LRRC4C: variants seen among roughly 807,000 people sequenced by gnomAD.
LRRC4C encodes leucine rich repeat containing 4C, also known as leucine-rich repeat-containing protein 4C.
LRRC4C carries 5 observed loss-of-function variants against 33.6 expected under a neutral mutation model. The observed-to-expected ratio is 0.15, with a 90% CI of 0.08 to 0.31. The LOEUF is 0.31. LRRC4C is among the 10% of genes least tolerant of loss of function. LRRC4C has a pLI of 1.00. For synonymous variants in LRRC4C, 329 were observed against 302.0 expected (o/e 1.09, Z -0.93); for missense variants, 560 against 796.7 (o/e 0.70, Z 3.58).
intron 5 of LRRC4C, among the ~76,000 whole-genome samples, chr11:40,234,561 G>A (rs1565167807): frequency 6.6e-6 from 1 of 152,166 alleles, no homozygotes; most frequent in Admixed American, 6.6e-5. Flanking sequence ...TGGAGCCTAG[G>A]AGTTCTAGAG....
At chr11:41,029,117 G>T (rs1381575) in intron 1 of LRRC4C, among the ~76,000 whole-genome samples, 2 of 151,554 alleles carry the variant, frequency 1.3e-5, no homozygotes, top group South Asian at 2.1e-4. Context: ...GCAAAAGCCT[G>T]TTTTTAGTAG....
At chr11:40,622,461 A>G (rs1288056824) in intron 3 of LRRC4C, among the ~76,000 whole-genome samples, 1 of 151,796 alleles carries the variant, frequency 6.6e-6, no homozygotes, top group Non-Finnish European at 1.5e-5. Flanking sequence ...GTCTAGAACA[A>G]TTAGATTTCT....
chr11:41,250,125 T>C (rs1948592324), intron 1 of LRRC4C, among the ~76,000 whole-genome samples: 1 of 152,110 alleles, frequency 6.6e-6, no homozygotes, highest in Non-Finnish European at 1.5e-5. Context: ...GCTGAGATCA[T>C]GCCACTGCAC....
At chr11:40,378,069 T>A (rs1194491038) in intron 3 of LRRC4C, among the ~76,000 whole-genome samples, 1 of 152,052 alleles carries the variant, frequency 6.6e-6, no homozygotes, top group African/African-American at 2.4e-5. Flanking sequence ...AAAGATGAAC[T>A]TTTTGCTAAT....
intron 2 of LRRC4C, among the ~76,000 whole-genome samples, chr11:40,805,582 G>A (rs1360109862): frequency 1.3e-5 from 2 of 152,150 alleles, no homozygotes; most frequent in Non-Finnish European, 1.5e-5. Context: ...CTAAACACTA[G>A]TTTCAAGAGT....
chr11:40,552,082 C>T (rs1797620608), intron 3 of LRRC4C, among the ~76,000 whole-genome samples: 1 of 152,148 alleles, frequency 6.6e-6, no homozygotes, highest in South Asian at 2.1e-4. Flanking sequence ...TCAGCTTGTC[C>T]CTGGGTCTCC....
At chr11:40,747,708 G>T (rs1948494911) in intron 2 of LRRC4C, among the ~76,000 whole-genome samples, 1 of 151,802 alleles carries the variant, frequency 6.6e-6, no homozygotes, top group African/African-American at 2.4e-5. Flanking sequence ...TAAAGAAAAA[G>T]ATATCATAAA....
chr11:40,217,970 G>T (rs1221092352), intron 5 of LRRC4C, among the ~76,000 whole-genome samples: 1 of 152,054 alleles, frequency 6.6e-6, no homozygotes, highest in African/African-American at 2.4e-5. Context: ...AAAGCAATCA[G>T]ATTCGTTTTA....
chr11:40,664,205 T>C (rs930730248), intron 2 of LRRC4C, among the ~76,000 whole-genome samples: 1 of 152,156 alleles, frequency 6.6e-6, no homozygotes, highest in African/African-American at 2.4e-5. Flanking sequence ...TAAATGCATA[T>C]CTTATATAGC....
intron 3 of LRRC4C, among the ~76,000 whole-genome samples, chr11:40,380,120 A>C (rs2137335123): frequency 6.6e-6 from 1 of 152,288 alleles, no homozygotes; most frequent in East Asian, 1.9e-4. Flanking sequence ...AGGAAAAATA[A>C]CCCTTTTTTG....
intron 1 of LRRC4C, among the ~76,000 whole-genome samples, chr11:41,090,647 G>A (rs949478556): frequency 5.9e-5 from 9 of 152,036 alleles, no homozygotes; most frequent in Admixed American, 2.0e-4. Context: ...ATCTCACCTC[G>A]AATTGTAATC....
intron 1 of LRRC4C, among the ~76,000 whole-genome samples, chr11:41,259,628 A>G (rs1948912432): frequency 6.6e-6 from 1 of 152,030 alleles, no homozygotes; most frequent in Non-Finnish European, 1.5e-5. Flanking sequence ...TGTGAGCCAC[A>G]CTGGACCTAA....
chr11:40,511,831 G>A (rs1955330846), intron 3 of LRRC4C, among the ~76,000 whole-genome samples: 1 of 152,132 alleles, frequency 6.6e-6, no homozygotes. Context: ...GGGGGCTGAG[G>A]CCTTTCCATC....
intron 1 of LRRC4C, among the ~76,000 whole-genome samples, chr11:41,084,666 T>C (rs1379202912): frequency 6.6e-6 from 1 of 152,060 alleles, no homozygotes; most frequent in Non-Finnish European, 1.5e-5. Flanking sequence ...CTGGCCAACA[T>C]GGTGAAACCC....
intron 1 of LRRC4C, among the ~76,000 whole-genome samples, chr11:41,176,283 G>C (rs1239637698): frequency 2.0e-5 from 3 of 152,048 alleles, no homozygotes; most frequent in Non-Finnish European, 4.4e-5. Context: ...GGGAATACCC[G>C]AACCCAAAAA....
intron 2 of LRRC4C, among the ~76,000 whole-genome samples, chr11:40,739,602 A>G (rs1327427694): frequency 6.6e-6 from 1 of 152,052 alleles, no homozygotes; most frequent in Non-Finnish European, 1.5e-5. Flanking sequence ...CTAAGTGTTG[A>G]GGGAGAGACC....
chr11:40,564,746 G>A (rs1357133331), intron 3 of LRRC4C, among the ~76,000 whole-genome samples: 1 of 152,016 alleles, frequency 6.6e-6, no homozygotes, highest in Non-Finnish European at 1.5e-5. Context: ...TTTTTTCAGG[G>A]ACCAAAGCAA....
At chr11:41,236,752 G>A (rs1948041864) in intron 1 of LRRC4C, among the ~76,000 whole-genome samples, 6 of 152,096 alleles carry the variant, frequency 3.9e-5, no homozygotes, top group Admixed American at 3.9e-4. Context: ...ATATTTCTGT[G>A]GAAAAGGCAA....
chr11:40,888,125 A>G (rs1384256545), intron 2 of LRRC4C, among the ~76,000 whole-genome samples: 3 of 151,816 alleles, frequency 2.0e-5, no homozygotes, highest in Non-Finnish European at 2.9e-5. Flanking sequence ...GTAGCTTAAA[A>G]CCCTGGTATT....
Sources: allele counts gnomAD v4.1 joint callset (sites outside exome capture counted in the v4.1 genomes callset), GRCh38; gene constraint gnomAD v4.1.1; transcripts MANE v1.5; gene names NCBI Gene and HGNC (gene_info 2026-07-23, HGNC 2026-07-21).